PUS7: variants seen among roughly 807,000 people sequenced by gnomAD.
PUS7 encodes the protein pseudouridine synthase 7, also known as pseudouridylate synthase 7 homolog.
PUS7 carries 48 observed loss-of-function variants against 79.8 expected under a neutral mutation model. The observed-to-expected ratio is 0.60, with a 90% CI of 0.48 to 0.76. The LOEUF is 0.76. PUS7 is among the 30% of genes least tolerant of loss of function. PUS7 has a pLI of 0.00. For synonymous variants in PUS7, 286 were observed against 272.2 expected, an observed-to-expected ratio of 1.05 and a Z score of -0.50; for missense variants, 729 against 797.6, an observed-to-expected ratio of 0.91 and a Z score of 1.04.
Position 105,506,074 on chromosome 7 carries a change from G to A in PUS7, c.484-18C>T, listed in dbSNP as rs756254410. ...GAAGGGTCCTTTAAAATAACCATGAGAACTCACAATGAATCATACATAGAA... is the reference window on the plus strand; with the variant it reads ...GAAGGGTCCTTTAAAATAACCATGAAAACTCACAATGAATCATACATAGAA... On this transcript the variant is annotated intron_variant, in intron 3 of 15. Transcript: ENST00000469408. 7 of 1,599,984 alleles carry A rather than the reference G, an allele frequency of 4.4e-6. No individual in the cohort carries two copies. The South Asian group carries it at 6.7e-5, about 15-fold the overall frequency.
At position 105,462,456 on chromosome 7, in the gene PUS7, A is replaced by G. The variant is rs528785117; in HGVS notation, c.1757+165T>C. The G allele has an allele frequency of 1.0e-4, 79 of 759,210 alleles. No individual in the cohort carries two copies. The South Asian group carries it at 1.7e-3, about 16-fold the overall frequency. 47.0% of individuals were successfully genotyped at this position (759,210 alleles called of 1,614,324 possible). A position where few individuals can be genotyped will look rare whatever the true frequency, so the allele number is the denominator to read the frequency against. On this transcript the variant is annotated intron_variant, in intron 14 of 15. Coordinates refer to ENST00000469408, the MANE Select transcript of PUS7 (RefSeq NM_019042.5). ...AAAAAAAAACCAAAAAAAAAACAAA[A>G]GGTAAGTAAAAATATGGTGTTATAA...
chr7:105,500,263 C>T (rs942171092), intron 5 of PUS7, among the ~76,000 whole-genome samples: 2 of 152,114 alleles, frequency 1.3e-5, no homozygotes, highest in Non-Finnish European at 2.9e-5. Context: ...CAGCTCAGTA[C>T]TTCACTTGTA....
chr7:105,516,366 A>G (rs964287408), intron 1 of PUS7, among the ~76,000 whole-genome samples: 4 of 152,186 alleles, frequency 2.6e-5, no homozygotes, highest in Non-Finnish European at 2.9e-5. Flanking sequence ...AACTGTTCAG[A>G]GCTCTGGACT....
At chr7:105,510,376 A>G (rs1021869082) in intron 1 of PUS7, among the ~76,000 whole-genome samples, 3 of 152,180 alleles carry the variant, frequency 2.0e-5, no homozygotes, top group African/African-American at 2.4e-5. Context: ...CCTATGTCAT[A>G]CCACATTAAA....
chr7:105,457,857 C>T lies in PUS7; in HGVS notation c.1919G>A (p.Arg640Gln). The T allele has an allele frequency of 1.9e-6, 3 of 1,614,020 alleles. No homozygotes were observed. Among genetic ancestry groups the T allele is most frequent in the South Asian group, 1.1e-5 (1 of 91,068 alleles). ...PPSTYATMAI[R>Q]EVLKMDTSIK... ...ACTGGTATCCATTTTTAGCACTTCT[C>T]GAATGGCCATGGTGGCGTAAGTAGA... Residue 640 changes from arginine (R) to glutamine (Q), a missense_variant, in exon 16 of 16, where the codon CGA becomes CAA. Physicochemically the swap from Arg to Gln is conservative, Grantham distance 43. Transcript: ENST00000469408.
intron 6 of PUS7, among the ~76,000 whole-genome samples, chr7:105,493,662 A>G (rs922093750): frequency 6.6e-6 from 1 of 152,174 alleles, no homozygotes; most frequent in Non-Finnish European, 1.5e-5. Flanking sequence ...CACTAATCCA[A>G]TCTGACTGGT....
At position 105,495,244 on chromosome 7, in the gene PUS7, T is replaced by A. The variant is rs1407212165; in HGVS notation, c.740A>T (p.Lys247Ile). ...TCCCCTAGATTTTGGCCAAGAATGTTTTCTTGGATCTTGAAAGCAAAAGAA... is the reference window on the plus strand; with the variant it reads ...TCCCCTAGATTTTGGCCAAGAATGTATTCTTGGATCTTGAAAGCAAAAGAA... ...AGKKALANPR[K>I]HSWPKSRGSY... The change falls in exon 6 of 16, where the codon AAA (lysine) becomes ATA (isoleucine). Residue 247 changes from lysine to isoleucine, a missense_variant. Coordinates refer to ENST00000469408, the MANE Select transcript of PUS7 (RefSeq NM_019042.5). 6.3e-7 allele frequency: 1 copy of A among 1,590,046 alleles called. No individual in the cohort carries two copies. Among genetic ancestry groups the A allele is most frequent in the Non-Finnish European group, 8.6e-7 (1 of 1,159,816 alleles).
intron 9 of PUS7, among the ~76,000 whole-genome samples, chr7:105,474,612 C>CAAAAA (rs10540161): frequency 7.9e-6 from 1 of 126,422 alleles, no homozygotes; most frequent in Non-Finnish European, 1.7e-5. Flanking sequence ...ACTAAAAATA[C>CAAAAA]AAAAAAAAAA....
intron 14 of PUS7, among the ~76,000 whole-genome samples, chr7:105,460,818 C>T (rs1357179741): frequency 7.0e-6 from 1 of 143,402 alleles, no homozygotes; most frequent in African/African-American, 2.6e-5. Context: ...CGCGCCACTG[C>T]ACTCCAGCCT....
At chr7:105,521,103 C>T (rs1826090028) in intron 1 of PUS7, among the ~76,000 whole-genome samples, 1 of 140,804 alleles carries the variant, frequency 7.1e-6, no homozygotes. Flanking sequence ...ATGTTTGAAC[C>T]TAACAATTGC....
intron 7 of PUS7, among the ~76,000 whole-genome samples, chr7:105,490,853 T>C (rs751705717): frequency 6.6e-6 from 1 of 152,206 alleles, no homozygotes; most frequent in Non-Finnish European, 1.5e-5. Context: ...TGACAATGCC[T>C]AGAGACATTC....
intron 12 of PUS7, 104 bp downstream of exon 12, chr7:105,468,233 A>G: frequency 1.4e-6 from 2 of 1,466,266 alleles, no homozygotes; most frequent in Non-Finnish European, 1.8e-6. Flanking sequence ...GTGCCTCACC[A>G]CATCTCTCTT....
chr7:105,480,428 T>C (rs1010852544), intron 9 of PUS7, among the ~76,000 whole-genome samples: 8 of 152,146 alleles, frequency 5.3e-5, no homozygotes, highest in East Asian at 3.9e-4. Flanking sequence ...TGAGCCAACA[T>C]TGCACCACTG....
intron 1 of PUS7, among the ~76,000 whole-genome samples, chr7:105,510,560 C>T (rs1825662107): frequency 6.6e-6 from 1 of 152,082 alleles, no homozygotes; most frequent in Non-Finnish European, 1.5e-5. Context: ...GTTGCCCAGG[C>T]TTGAGAGCAG....
At chr7:105,470,621 T>C in intron 11 of PUS7, 67 bp downstream of exon 11, 1 of 1,456,270 alleles carries the variant, frequency 6.9e-7, no homozygotes, top group Non-Finnish European at 9.2e-7. Context: ...GTAAAATCTT[T>C]CAAGATGAAA....
chr7:105,484,401 G>A (rs2133143441), intron 7 of PUS7, among the ~76,000 whole-genome samples: 1 of 151,808 alleles, frequency 6.6e-6, no homozygotes, highest in South Asian at 2.1e-4. Flanking sequence ...GATAGCTTGA[G>A]CCCAGGAGTT....
intron 6 of PUS7, among the ~76,000 whole-genome samples, chr7:105,493,147 G>A (rs562074506): frequency 8.9e-4 from 135 of 152,216 alleles, no homozygotes; most frequent in African/African-American, 3.2e-3. Context: ...TTTATCTTCA[G>A]TTTTTAAAAA....
chr7:105,514,905 C>A (rs144201442), intron 1 of PUS7, among the ~76,000 whole-genome samples: 20,769 of 151,758 alleles, frequency 0.14, 1,836 homozygotes, highest in South Asian at 0.26. Context: ...CATTCTCCTG[C>A]CTCAGCCTCC....
rs372135518 is a variant in PUS7, at chr7:105,501,910, G to A, written c.730+510C>T. Among the ~76,000 whole-genome samples, 41 of 147,614 alleles carry A rather than the reference G, an allele frequency of 2.8e-4. No homozygotes were observed. In the South Asian group the frequency reaches 8.5e-3, roughly 31 times the overall value. On this transcript the variant is annotated intron_variant, in intron 5 of 15. Transcript: ENST00000469408. ...GCGGAGCTTGCAGTGAGCCGAGATCGTGCCACTGCACTCCAGCCTGGGCGA... is the reference window on the plus strand; with the variant it reads ...GCGGAGCTTGCAGTGAGCCGAGATCATGCCACTGCACTCCAGCCTGGGCGA...
Sources: allele counts gnomAD v4.1 joint callset (sites outside exome capture counted in the v4.1 genomes callset), GRCh38; gene constraint gnomAD v4.1.1; transcripts MANE v1.5; gene names NCBI Gene and HGNC (gene_info 2026-07-23, HGNC 2026-07-21).